The following GSX2 variants were observed in gnomAD, a reference collection of about 807,000 sequenced individuals.
The protein encoded by GSX2 is genetic-screened homeobox 2.
In GSX2, 16 loss-of-function variants were observed where a neutral mutation model predicts 19.2. The ratio of observed to expected loss-of-function variants is 0.84; its 90% CI spans 0.57 to 1.27. The LOEUF is 1.27. Ranked by LOEUF, GSX2 falls within the 50% of genes most tolerant of loss-of-function variation. GSX2 has a pLI of 0.00. For missense variants in GSX2, 448 were observed against 428.4 expected, an observed-to-expected ratio of 1.05 and a Z score of -0.40; for synonymous variants, 217 against 196.4, an observed-to-expected ratio of 1.10 and a Z score of -0.88.
In GSX2 at chr4:54,102,151, A is replaced by G. The variant is rs1718187980; in HGVS notation, c.*229A>G. ...TTACAGATTTTTTTAAAAAATGTAA[A>G]TAACCTATAATTCAACTCATTCTTG... On this transcript the variant is annotated 3_prime_UTR_variant, in exon 2 of 2. Coordinates refer to ENST00000326902, the MANE Select transcript of GSX2 (RefSeq NM_133267.3). 1.8e-6 allele frequency: 1 copy of G among 542,978 alleles called. No individual in the cohort carries two copies. The highest frequency in any genetic ancestry group is 3.5e-5 in the Admixed American group (1 of 28,314). The allele number at this position is 542,978 out of a possible 1,614,324, so 33.6% of individuals were successfully genotyped here.
In GSX2 at chr4:54,101,955, T is replaced by A. The variant is rs949351944; in HGVS notation, c.*33T>A. Reference sequence around the variant, plus strand: ...CCTCCTCCCTCACATCCCCCGCTCCTGGCAGACCAGGCAACGCCAAGGCGT... The same window carrying A: ...CCTCCTCCCTCACATCCCCCGCTCCAGGCAGACCAGGCAACGCCAAGGCGT... On this transcript the variant is annotated 3_prime_UTR_variant, in exon 2 of 2. Transcript: ENST00000326902. This position sits in a 1 kb window ranked among gnomAD's most constrained non-coding sequence, Gnocchi z 5.0. 6.6e-7 allele frequency: 1 copy of A among 1,508,548 alleles called. No homozygotes were observed. The highest frequency in any genetic ancestry group is 1.4e-5 in the African/African-American group (1 of 72,464). 93.4% of individuals were successfully genotyped at this position (1,508,548 alleles called of 1,614,324 possible).
rs1374159361 is a variant in GSX2, at chr4:54,100,403, C to T, written c.59C>T (p.Pro20Leu). Residue 20 changes from proline (P) to leucine (L), a missense_variant, in exon 1 of 2, where the codon CCC becomes CTC. By Grantham distance (98) the Pro-to-Leu change is moderately conservative. Transcript: ENST00000326902. ...ATCAAGGACACCTCACGGCCTGCGC[C>T]CTCGCTGCCTGAACCGCACCCCGGG... is the stretch of plus-strand genomic sequence containing the variant. ...LIIKDTSRPA[P>L]SLPEPHPGPD... is the part of the protein sequence containing the mutation. The T allele has an allele frequency of 6.8e-6, 11 of 1,614,060 alleles. 1 individual carries two copies. The South Asian group carries it at 1.2e-4, about 18-fold the overall frequency.
chr4:54,100,418 C>T lies in GSX2; in HGVS notation c.74C>T (p.Pro25Leu), dbSNP rs993340679. 2 of 1,614,072 alleles carry T rather than the reference C, an allele frequency of 1.2e-6. No homozygotes were observed. The highest frequency in any genetic ancestry group is 1.7e-6 in the Non-Finnish European group (2 of 1,179,976). ...TSRPAPSLPE[P>L]HPGPDFFIPL... ...CGGCCTGCGCCCTCGCTGCCTGAAC[C>T]GCACCCCGGGCCGGATTTCTTCATC... is the stretch of plus-strand genomic sequence containing the variant. The change falls in exon 1 of 2, where the codon CCG becomes CTG. Residue 25 changes from proline (P) to leucine (L), a missense_variant. Physicochemically the swap from Pro to Leu is moderately conservative, Grantham distance 98 (BLOSUM62 -3). Transcript: ENST00000326902.
rs779851092 is a variant in GSX2, at chr4:54,100,736, C to G, written c.392C>G (p.Pro131Arg). ...AACCATGCGCATCATCACCACCACCCGCCGCAGCACCACCATCACCATCAT... is the reference window on the plus strand; with the variant it reads ...AACCATGCGCATCATCACCACCACCGGCCGCAGCACCACCATCACCATCAT... ...RVNHAHHHHHPPQHHHHHHQP... is the reference protein window; with the variant it reads ...RVNHAHHHHHRPQHHHHHHQP... The change falls in exon 1 of 2, where the codon CCG becomes CGG. Residue 131 changes from proline (P) to arginine (R), a missense_variant. Pro to Arg is a moderately radical substitution (Grantham distance 103). Transcript: ENST00000326902. The G allele has an allele frequency of 3.9e-6, 6 of 1,547,416 alleles. No individual in the cohort carries two copies. The South Asian group carries it at 7.1e-5, about 18-fold the overall frequency.
Position 54,102,107 on chromosome 4 carries a change from C to T in GSX2, c.*185C>T, listed in dbSNP as rs1718187392. 1 of 571,396 alleles carries T rather than the reference C, an allele frequency of 1.8e-6. No homozygotes were observed. The highest frequency in any genetic ancestry group is 1.9e-5 in the African/African-American group (1 of 53,260). The allele number at this position is 571,396 out of a possible 1,614,324, so 35.4% of individuals were successfully genotyped here. A position where few individuals can be genotyped will look rare whatever the true frequency, so the allele number is the denominator to read the frequency against. On this transcript the variant is annotated 3_prime_UTR_variant, in exon 2 of 2. Coordinates refer to ENST00000326902, the MANE Select transcript of GSX2 (RefSeq NM_133267.3). ...CGCGTCTCCTTCTTGACCTGTTTAT[C>T]TAGGACTCCAACTTGAAGTTACAGA...
chr4:54,100,746 C>T lies in GSX2; in HGVS notation c.402C>T (p.His134=). 1 of 1,541,906 alleles carries T rather than the reference C, an allele frequency of 6.5e-7. No homozygotes were observed. Among genetic ancestry groups the T allele is most frequent in the East Asian group, 2.5e-5 (1 of 39,406 alleles). ...HAHHHHHPPQ[H]HHHHHQPQQP... ...ATCATCACCACCACCCGCCGCAGCA[C>T]CACCATCACCATCATCAGCCCCAGC... Residue 134 remains histidine, a synonymous_variant, in exon 1 of 2, where the codon CAC becomes CAT. Coordinates refer to ENST00000326902, the MANE Select transcript of GSX2 (RefSeq NM_133267.3).
At position 54,100,779 on chromosome 4, in the gene GSX2, C is replaced by A. The variant is rs1263672499; in HGVS notation, c.435C>A (p.Gly145=). The change falls in exon 1 of 2, where the codon GGC becomes GGA. Residue 145 remains glycine, a synonymous_variant. Coordinates refer to ENST00000326902, the MANE Select transcript of GSX2 (RefSeq NM_133267.3). ...HHHHHQPQQP[G]SAAAAAAAAA... ...ACCATCATCAGCCCCAGCAGCCTGG[C>A]TCGGCCGCGGCGGCGGCAGCAGCAG... The A allele has an allele frequency of 1.4e-6, 2 of 1,477,706 alleles. No homozygotes were observed. Among genetic ancestry groups the A allele is most frequent in the African/African-American group, 1.5e-5 (1 of 67,148 alleles). The allele number at this position is 1,477,706 out of a possible 1,614,324, so 91.5% of individuals were successfully genotyped here.
In GSX2 at chr4:54,100,487, C is replaced by G; in HGVS notation, c.143C>G (p.Pro48Arg). The G allele has an allele frequency of 3.1e-6, 5 of 1,613,794 alleles. No homozygotes were observed. The highest frequency in any genetic ancestry group is 4.2e-6 in the Non-Finnish European group (5 of 1,179,920). The change falls in exon 1 of 2, where the codon CCC (proline) becomes CGC (arginine). Residue 48 changes from proline to arginine, a missense_variant. Pro to Arg is a moderately radical substitution (Grantham distance 103). Coordinates refer to ENST00000326902, the MANE Select transcript of GSX2 (RefSeq NM_133267.3). Reference sequence around the variant, plus strand: ...CCATTGGTGATGTCCGTGTCCGGCCCCGGCTGCCCGTCCCGCAAGAGCGGC... The same window carrying G: ...CCATTGGTGATGTCCGTGTCCGGCCGCGGCTGCCCGTCCCGCAAGAGCGGC... ...PPPLVMSVSG[P>R]GCPSRKSGAF... is the part of the protein sequence containing the mutation.
Position 54,100,451 on chromosome 4 carries a change from G to T in GSX2, c.107G>T (p.Gly36Val), listed in dbSNP as rs1269054687. 2 of 1,613,994 alleles carry T rather than the reference G, an allele frequency of 1.2e-6. No homozygotes were observed. Among genetic ancestry groups the T allele is most frequent in the Non-Finnish European group, 1.7e-6 (2 of 1,179,970 alleles). Residue 36 changes from glycine (G) to valine (V), a missense_variant, in exon 1 of 2, where the codon GGC (glycine) becomes GTC (valine). By Grantham distance (109) the Gly-to-Val change is moderately radical. Transcript: ENST00000326902. ...GGGCCGGATTTCTTCATCCCGCTTG[G>T]CATGCCGCCCCCATTGGTGATGTCC... ...HPGPDFFIPLGMPPPLVMSVS... is the reference protein window; with the variant it reads ...HPGPDFFIPLVMPPPLVMSVS...
Position 54,100,509 on chromosome 4 carries a change from C to A in GSX2, c.165C>A (p.Ser55Arg), listed in dbSNP as rs745621052. The A allele has an allele frequency of 6.2e-7, 1 of 1,613,346 alleles. No individual in the cohort carries two copies. ...VSGPGCPSRK[S>R]GAFCVCPLCV... ...GCCCCGGCTGCCCGTCCCGCAAGAG[C>A]GGCGCGTTCTGCGTGTGCCCTCTCT... is the stretch of plus-strand genomic sequence containing the variant. The change falls in exon 1 of 2, where the codon AGC (serine) becomes AGA (arginine). Residue 55 changes from serine (S) to arginine (R), a missense_variant. Transcript: ENST00000326902.
Position 54,102,077 on chromosome 4 carries a change from C to T in GSX2, c.*155C>T. On this transcript the variant is annotated 3_prime_UTR_variant, in exon 2 of 2. Coordinates refer to ENST00000326902, the MANE Select transcript of GSX2 (RefSeq NM_133267.3). ...CTGGAATGGACAAGCCGGGACCTGA[C>T]CCTTCGCGTCTCCTTCTTGACCTGT... The T allele has an allele frequency of 1.6e-6, 1 of 633,374 alleles. No individual in the cohort carries two copies. The highest frequency in any genetic ancestry group is 2.0e-5 in the South Asian group (1 of 48,838). 39.2% of individuals were successfully genotyped at this position (633,374 alleles called of 1,614,324 possible).
rs774877384 is a variant in GSX2 at position 54,100,447 on chromosome 4, C to T, written c.103C>T (p.Leu35Phe). 1.2e-6 allele frequency: 2 copies of T among 1,613,912 alleles called. No homozygotes were observed. The highest frequency in any genetic ancestry group is 1.7e-5 in the Admixed American group (1 of 60,012). Residue 35 changes from leucine (L) to phenylalanine (F), a missense_variant, in exon 1 of 2, where the codon CTT (leucine) becomes TTT (phenylalanine). Coordinates refer to ENST00000326902, the MANE Select transcript of GSX2 (RefSeq NM_133267.3). ...PHPGPDFFIP[L>F]GMPPPLVMSV... ...CCCCGGGCCGGATTTCTTCATCCCG[C>T]TTGGCATGCCGCCCCCATTGGTGAT...
chr4:54,100,925 C>T lies in GSX2; in HGVS notation c.574+7C>T. On this transcript the variant is annotated splice_region_variant and intron_variant, in intron 1 of 1. Coordinates refer to ENST00000326902, the MANE Select transcript of GSX2 (RefSeq NM_133267.3). ...TTCCACTGCCTCACCATGGGTAGGGCGGGGTCTTGGGGCACCTGCGCTCCG... is the reference window on the plus strand; with the variant it reads ...TTCCACTGCCTCACCATGGGTAGGGTGGGGTCTTGGGGCACCTGCGCTCCG... 1 of 1,554,238 alleles carries T rather than the reference C, an allele frequency of 6.4e-7. No individual in the cohort carries two copies. The highest frequency in any genetic ancestry group is 2.4e-5 in the East Asian group (1 of 41,748).
chr4:54,100,939 A>C (rs1718162701), intron 1 of GSX2, 21 bp downstream of exon 1: 1 of 1,536,400 alleles, frequency 6.5e-7, no homozygotes, highest in African/African-American at 1.4e-5. Flanking sequence ...GTCTTGGGGC[A>C]CCTGCGCTCC....
In GSX2 at chr4:54,102,091, T is replaced by G. The variant is rs1718187071; in HGVS notation, c.*169T>G. ...CCGGGACCTGACCCTTCGCGTCTCC[T>G]TCTTGACCTGTTTATCTAGGACTCC... is the stretch of plus-strand genomic sequence containing the variant. On this transcript the variant is annotated 3_prime_UTR_variant, in exon 2 of 2. Transcript: ENST00000326902. 1 of 604,488 alleles carries G rather than the reference T, an allele frequency of 1.7e-6. No individual in the cohort carries two copies. The highest frequency in any genetic ancestry group is 3.1e-5 in the Admixed American group (1 of 31,858). The allele number at this position is 604,488 out of a possible 1,614,324, so 37.4% of individuals were successfully genotyped here. A position where few individuals can be genotyped will look rare whatever the true frequency, so the allele number is the denominator to read the frequency against.
In GSX2 at chr4:54,100,755, CCAT is replaced by C. The variant is rs1718156286; in HGVS notation, c.417_419del (p.His139del). ...ACCACCCGCCGCAGCACCACCATCA[CCAT>C]CATCAGCCCCAGCAGCCTGGCTCGG... On this transcript the variant is annotated inframe_deletion, in exon 1 of 2. Coordinates refer to ENST00000326902, the MANE Select transcript of GSX2 (RefSeq NM_133267.3). The C allele has an allele frequency of 5.2e-6, 8 of 1,537,664 alleles. No individual in the cohort carries two copies. The highest frequency in any genetic ancestry group is 7.0e-6 in the Non-Finnish European group (8 of 1,141,874).
rs1187244175 is a variant in GSX2, at chr4:54,100,574, G to T, written c.230G>T (p.Gly77Val). The T allele has an allele frequency of 6.3e-7, 1 of 1,583,296 alleles. No homozygotes were observed. Among genetic ancestry groups the T allele is most frequent in the East Asian group, 2.3e-5 (1 of 43,146 alleles). The change falls in exon 1 of 2, where the codon GGC becomes GTC. Residue 77 changes from glycine to valine, a missense_variant. Gly to Val is a moderately radical substitution (Grantham distance 109, BLOSUM62 -3). Coordinates refer to ENST00000326902, the MANE Select transcript of GSX2 (RefSeq NM_133267.3). Reference protein sequence around the residue: ...SHLHSSRGSVGAGSGGAGAGV... With the variant: ...SHLHSSRGSVVAGSGGAGAGV... The stretch of plus-strand genomic sequence containing the variant: ...CTGCACTCCTCTCGGGGGTCTGTGG[G>T]CGCCGGCAGCGGGGGCGCAGGGGCC...
At position 54,100,579 on chromosome 4, in the gene GSX2, G is replaced by A. The variant is rs563266158; in HGVS notation, c.235G>A (p.Gly79Ser). The A allele has an allele frequency of 4.6e-5, 73 of 1,577,348 alleles. 2 individuals carry two copies. In the South Asian group the frequency reaches 8.1e-4, roughly 17 times the overall value. Reference sequence around the variant, plus strand: ...CTCCTCTCGGGGGTCTGTGGGCGCCGGCAGCGGGGGCGCAGGGGCCGGGGT... The same window carrying A: ...CTCCTCTCGGGGGTCTGTGGGCGCCAGCAGCGGGGGCGCAGGGGCCGGGGT... ...LHSSRGSVGA[G>S]SGGAGAGVTG... The change falls in exon 1 of 2, where the codon GGC becomes AGC. Residue 79 changes from glycine (G) to serine (S), a missense_variant. By Grantham distance (56) the Gly-to-Ser change is moderately conservative. Transcript: ENST00000326902.
Position 54,100,888 on chromosome 4 carries a change from G to T in GSX2, c.544G>T (p.Asp182Tyr), listed in dbSNP as rs1181905768. 1.9e-6 allele frequency: 3 copies of T among 1,572,770 alleles called. No individual in the cohort carries two copies. Among genetic ancestry groups the T allele is most frequent in the Non-Finnish European group, 2.6e-6 (3 of 1,167,130 alleles). The change falls in exon 1 of 2, where the codon GAC becomes TAC. Residue 182 changes from aspartate (D) to tyrosine (Y), a missense_variant. Coordinates refer to ENST00000326902, the MANE Select transcript of GSX2 (RefSeq NM_133267.3). ...VCTATTYNVADPRRFHCLTMG... is the reference protein window; with the variant it reads ...VCTATTYNVAYPRRFHCLTMG... ...CACCGCCACCACCTACAACGTGGCG[G>T]ACCCGCGGAGATTCCACTGCCTCAC...
Sources: gnomAD v4.1 joint callset for allele counts on GRCh38, gnomAD v4.1.1 for gene constraint, Gnocchi (gnomAD v3.1) non-coding constraint, MANE v1.5 for transcripts, NCBI Gene and HGNC (gene_info 2026-07-23, HGNC 2026-07-21) for gene names.